STK4: variants seen among roughly 807,000 people sequenced by gnomAD.
The protein encoded by STK4 is serine/threonine kinase 4.
Under a neutral mutation model 64.9 loss-of-function variants are expected in STK4, and 30 were observed. The observed-to-expected ratio is 0.46, with a 90% confidence interval of 0.35 to 0.63. The LOEUF (loss-of-function observed/expected upper bound fraction) is 0.63, where lower values mean the gene tolerates loss of function less well. Ranked by LOEUF, STK4 falls within the 20% of genes least tolerant of loss-of-function variation. The pLI is 0.01. For synonymous variants in STK4, 177 were observed against 199.0 expected (o/e 0.89, Z 0.93); for missense variants, 466 against 598.5 (o/e 0.78, Z 2.31).
intron 4 of STK4, among the ~76,000 whole-genome samples, chr20:44,982,436 A>G (rs966965455): frequency 6.6e-6 from 1 of 151,950 alleles, no homozygotes; most frequent in Non-Finnish European, 1.5e-5. Flanking sequence ...ATGCCTGGCA[A>G]TGTGGCAGTT....
chr20:45,015,172 T>G (rs1337933834), intron 9 of STK4, among the ~76,000 whole-genome samples: 1 of 152,222 alleles, frequency 6.6e-6, no homozygotes, highest in Non-Finnish European at 1.5e-5. Context: ...AGTTTCCTCA[T>G]GTTGAAATCA....
chr20:44,975,230 C>A (rs2145638111), intron 2 of STK4: 1 of 295,586 alleles, frequency 3.4e-6, no homozygotes, highest in Non-Finnish European at 5.0e-6. Flanking sequence ...TTCATTGAAT[C>A]ATCTCATTTT....
intron 4 of STK4, 49 bp downstream of exon 4, chr20:44,981,992 CTT>C: frequency 1.6e-6 from 2 of 1,258,132 alleles, no homozygotes; most frequent in Non-Finnish European, 2.3e-6. Context: ...CTTATGCCAT[CTT>C]CTTTTCTCTG....
rs1215444331 is a variant in STK4 at position 44,978,466 on chromosome 20, C to T, written c.140C>T (p.Ala47Val). 1.2e-6 allele frequency: 2 copies of T among 1,613,844 alleles called. No homozygotes were observed. Among genetic ancestry groups the T allele is most frequent in the East Asian group, 2.2e-5 (1 of 44,874 alleles). The change falls in exon 3 of 11, where the codon GCT becomes GTT. Residue 47 changes from alanine (A) to valine (V), a missense_variant. By Grantham distance (64) the Ala-to-Val change is moderately conservative. This residue lies in a region of STK4 where 190 missense variants were observed against 289.7 expected (regional missense o/e 0.66). Transcript: ENST00000372806. The stretch of plus-strand genomic sequence containing the variant: ...AGGTCCTATGGCAGCGTATACAAAG[C>T]TATTCATAAAGAGACCGGCCAGATT... ...GEGSYGSVYK[A>V]IHKETGQIVA...
chr20:44,968,353 G>A (rs916744385), intron 1 of STK4, among the ~76,000 whole-genome samples: 1 of 152,214 alleles, frequency 6.6e-6, no homozygotes, highest in Non-Finnish European at 1.5e-5. Context: ...TAGCCAGGAT[G>A]GTCTCTATCT....
intron 9 of STK4, among the ~76,000 whole-genome samples, chr20:45,011,592 A>G (rs1365897503): frequency 6.6e-6 from 1 of 151,506 alleles, no homozygotes; most frequent in Non-Finnish European, 1.5e-5. Context: ...TACCATGCAT[A>G]TAGTTTTTAA....
chr20:44,978,838 G>A (rs1450390673), intron 3 of STK4, among the ~76,000 whole-genome samples: 1 of 139,174 alleles, frequency 7.2e-6, no homozygotes, highest in East Asian at 2.1e-4. Context: ...TCGCTCTGTC[G>A]CCCAGGCTGG....
In STK4 at chr20:45,079,021, A is replaced by G. The variant is rs1312176923; in HGVS notation, c.*3845A>G. ...GAAGAAATAGATACCAGCCTGAGCA[A>G]CATGGCAAAATCCCATCTCTACAAA... On this transcript the variant is annotated 3_prime_UTR_variant, in exon 11 of 11. Transcript: ENST00000372806. 1 of 151,938 alleles carries G rather than the reference A, an allele frequency of 6.6e-6. No homozygotes were observed. Among genetic ancestry groups the G allele is most frequent in the Non-Finnish European group, 1.5e-5 (1 of 68,024 alleles). The allele number at this position is 151,938 out of a possible 1,614,324, so 9.4% of individuals were successfully genotyped here.
rs536129293 is a variant in STK4, at chr20:44,975,386, C to G, written c.117-3057C>G. On this transcript the variant is annotated intron_variant, in intron 2 of 10. Coordinates refer to ENST00000372806, the MANE Select transcript of STK4 (RefSeq NM_006282.5). ...ACTTCATGTGAGCTATTGGAGTTTT[C>G]CTTGCTATCAGGATGCATAGGGAGG... 16 of 984,424 alleles carry G rather than the reference C, an allele frequency of 1.6e-5. No homozygotes were observed. In the African/African-American group the frequency reaches 2.6e-4, roughly 16 times the overall value. 61.0% of individuals were successfully genotyped at this position (984,424 alleles called of 1,614,324 possible).
At chr20:44,995,786 A>G (rs1334605637) in intron 6 of STK4, among the ~76,000 whole-genome samples, 1 of 152,046 alleles carries the variant, frequency 6.6e-6, no homozygotes, top group Non-Finnish European at 1.5e-5. Flanking sequence ...TTGTGTATTG[A>G]TAGCCCTCTG....
chr20:44,987,363 A>T, intron 5 of STK4, 67 bp downstream of exon 5: 1 of 1,438,138 alleles, frequency 7.0e-7, no homozygotes. Flanking sequence ...CCTTTTATTT[A>T]CCTATTTTTA....
At position 45,076,818 on chromosome 20, in the gene STK4, G is replaced by C. The variant is rs1980552966; in HGVS notation, c.*1642G>C. The C allele has an allele frequency of 6.6e-6, 1 of 152,230 alleles. No individual in the cohort carries two copies. The allele number at this position is 152,230 out of a possible 1,614,324, so 9.4% of individuals were successfully genotyped here. On this transcript the variant is annotated 3_prime_UTR_variant, in exon 11 of 11. Transcript: ENST00000372806. The surrounding 1 kb of genome is among the most constrained non-coding windows in gnomAD (Gnocchi z 4.0). ...GGGAATCAATGGAAAGGCAGGGAATGTGCCTCTTCTGTGGCCAGATTCTGT... is the reference window on the plus strand; with the variant it reads ...GGGAATCAATGGAAAGGCAGGGAATCTGCCTCTTCTGTGGCCAGATTCTGT...
At chr20:45,018,165 A>G (rs556710027) in intron 9 of STK4, among the ~76,000 whole-genome samples, 6 of 152,338 alleles carry the variant, frequency 3.9e-5, no homozygotes, top group East Asian at 1.9e-4. Context: ...AAGGCATACT[A>G]TTCCAAGCCA....
chr20:45,074,932 C>G, intron 10 of STK4, 86 bp from the exon 11 acceptor site: 2 of 1,530,492 alleles, frequency 1.3e-6, no homozygotes, highest in Non-Finnish European at 9.0e-7. Context: ...TCCCTTCCCT[C>G]TGGGTGCCTG....
At chr20:45,007,228 G>A (rs551414772) in intron 9 of STK4, among the ~76,000 whole-genome samples, 3 of 152,288 alleles carry the variant, frequency 2.0e-5, no homozygotes, top group African/African-American at 7.2e-5. Flanking sequence ...TGGTCACATG[G>A]CTAGTAAGTG....
At chr20:44,972,311 C>T in intron 2 of STK4, 153 bp downstream of exon 2, 2 of 651,800 alleles carry the variant, frequency 3.1e-6, no homozygotes, top group Non-Finnish European at 5.5e-6. Context: ...TACTCCAATC[C>T]CTATTATAGA....
chr20:45,033,599 C>G (rs1389211231), intron 10 of STK4, among the ~76,000 whole-genome samples: 3 of 152,034 alleles, frequency 2.0e-5, no homozygotes, highest in African/African-American at 7.2e-5. Flanking sequence ...TGTTTTGAGA[C>G]AGAGTCTTGC....
intron 10 of STK4, chr20:45,053,200 GT>G (rs1414723155): frequency 6.3e-7 from 1 of 1,596,342 alleles, no homozygotes; most frequent in Admixed American, 1.7e-5. Flanking sequence ...TGTCATCTTT[GT>G]CTCAGAACCA....
At chr20:45,028,222 A>C (rs770680640) in intron 10 of STK4, among the ~76,000 whole-genome samples, 7 of 152,010 alleles carry the variant, frequency 4.6e-5, no homozygotes, top group Non-Finnish European at 8.8e-5. Context: ...TTAAATTCCT[A>C]CCAATGGCGT....
Sources: gnomAD v4.1 joint callset for allele counts (sites outside exome capture counted in the v4.1 genomes callset) on GRCh38, gnomAD v4.1.1 for gene constraint, gnomAD v4.1.1 regional missense constraint, Gnocchi (gnomAD v3.1) non-coding constraint, MANE v1.5 for transcripts, NCBI Gene and HGNC (gene_info 2026-07-23, HGNC 2026-07-21) for gene names.